Variants in ROS1 observed in about 807,000 individuals in gnomAD.
ROS1 encodes ROS proto-oncogene 1, receptor tyrosine kinase, also known as proto-oncogene tyrosine-protein kinase ROS.
Under a neutral mutation model 273.5 loss-of-function variants are expected in ROS1, and 263 were observed. The observed-to-expected ratio is 0.96, with a 90% CI of 0.87 to 1.06. The LOEUF (loss-of-function observed/expected upper bound fraction) is 1.06, where lower values mean the gene tolerates loss of function less well. Ranked by LOEUF, ROS1 falls within the 50% of genes least tolerant of loss-of-function variation. The pLI, the probability that ROS1 is intolerant of heterozygous loss-of-function variation, is 0.00. For synonymous variants in ROS1, 1,008 were observed against 954.1 expected (o/e 1.06, Z -1.04); for missense variants, 2,833 against 2,751.1 (o/e 1.03, Z -0.67).
intron 11 of ROS1, 32 bp from the exon 12 acceptor site, chr6:117,393,353 A>T (rs1488673089): frequency 7.7e-7 from 1 of 1,303,312 alleles, no homozygotes; most frequent in Admixed American, 1.7e-5. Context: ...CGGTAGGATT[A>T]GCATCTGTCT....
chr6:117,310,288 C>T lies in ROS1; in HGVS notation c.6216-7G>A. 2 of 1,578,528 alleles carry T rather than the reference C, an allele frequency of 1.3e-6. No homozygotes were observed. The highest frequency in any genetic ancestry group is 1.7e-6 in the Non-Finnish European group (2 of 1,159,516). ...ATTTCTAGCTGCCAGATCCCTGTGG[C>T]AGAAGTTATATTTAATAATAATAAT... On this transcript the variant is annotated splice_region_variant and splice_polypyrimidine_tract_variant and intron_variant, in intron 40 of 43. Transcript: ENST00000368507.
In ROS1 at chr6:117,366,166, C is replaced by G. The variant is rs1361557179; in HGVS notation, c.2707G>C (p.Glu903Gln). 6 of 1,614,086 alleles carry G rather than the reference C, an allele frequency of 3.7e-6. No individual in the cohort carries two copies. In the South Asian group the frequency reaches 5.5e-5, roughly 15 times the overall value. The change falls in exon 19 of 44, where the codon GAA (glutamate) becomes CAA (glutamine). Residue 903 changes from glutamate (E) to glutamine (Q), a missense_variant. Coordinates refer to ENST00000368507, the MANE Select transcript of ROS1 (RefSeq NM_001378902.1). ...GAGACACTGGTTTTCTGACCTATTT[C>G]TTGAGTTGTGATAATCCTAAAGCCA... ...INGFRIITTQ[E>Q]IGQKTSVSVL...
intron 31 of ROS1, among the ~76,000 whole-genome samples, chr6:117,337,679 A>C (rs1366086619): frequency 2.0e-5 from 3 of 152,154 alleles, no homozygotes; most frequent in Non-Finnish European, 4.4e-5. Context: ...TAAGAATGCA[A>C]ATCCATAGCT....
chr6:117,341,315 T>C lies in ROS1; in HGVS notation c.4885-4A>G, dbSNP rs780946396. The C allele has an allele frequency of 4.3e-6, 7 of 1,612,432 alleles. No individual in the cohort carries two copies. Among genetic ancestry groups the C allele is most frequent in the East Asian group, 2.2e-5 (1 of 44,876 alleles). ...CCTCAGAGTGGCAGGCAAGAACCTTTTGGTAAAAAAGAACAATTGCTTAAC... is the reference window on the plus strand; with the variant it reads ...CCTCAGAGTGGCAGGCAAGAACCTTCTGGTAAAAAAGAACAATTGCTTAAC... On this transcript the variant is annotated splice_region_variant and splice_polypyrimidine_tract_variant and intron_variant, in intron 30 of 43. Coordinates refer to ENST00000368507, the MANE Select transcript of ROS1 (RefSeq NM_001378902.1).
intron 43 of ROS1, among the ~76,000 whole-genome samples, chr6:117,292,286 A>G (rs1764172553): frequency 6.6e-6 from 1 of 152,146 alleles, no homozygotes; most frequent in Non-Finnish European, 1.5e-5. Flanking sequence ...GACTTTTATA[A>G]TGTATCTTTG....
At chr6:117,294,353 G>T (rs902509884) in intron 43 of ROS1, among the ~76,000 whole-genome samples, 7 of 152,004 alleles carry the variant, frequency 4.6e-5, no homozygotes, top group Admixed American at 4.6e-4. Context: ...CTCATAAAAG[G>T]CATTCACAGA....
intron 16 of ROS1, 82 bp downstream of exon 16, chr6:117,385,597 TAAAA>T: frequency 2.1e-6 from 2 of 954,566 alleles, no homozygotes; most frequent in South Asian, 1.8e-5. Flanking sequence ...CACAGGTATT[TAAAA>T]AAAAAAAAGA....
At chr6:117,402,793 C>G (rs1227808135) in intron 7 of ROS1, among the ~76,000 whole-genome samples, 2 of 149,832 alleles carry the variant, frequency 1.3e-5, no homozygotes, top group Admixed American at 1.4e-4. Context: ...AAGGCTGAGG[C>G]AGGGGAATCA....
At chr6:117,375,160 G>A (rs1422952311) in intron 18 of ROS1, among the ~76,000 whole-genome samples, 1 of 152,204 alleles carries the variant, frequency 6.6e-6, no homozygotes, top group Non-Finnish European at 1.5e-5. Flanking sequence ...GGATGGAATT[G>A]GAGACCGTTA....
chr6:117,420,082 G>A (rs1175734424), intron 1 of ROS1, among the ~76,000 whole-genome samples: 2 of 151,966 alleles, frequency 1.3e-5, no homozygotes, highest in East Asian at 3.9e-4. Flanking sequence ...AACCCTATAA[G>A]GTAGCTGCTA....
At chr6:117,398,970 TAA>T (rs75429700) in intron 7 of ROS1, among the ~76,000 whole-genome samples, 27 of 134,424 alleles carry the variant, frequency 2.0e-4, no homozygotes, top group Middle Eastern at 3.8e-3. Flanking sequence ...GACTCTGTCT[TAA>T]AAAAAAAAAA....
rs920417073 is a variant in ROS1 at position 117,340,991 on chromosome 6, T to C, written c.5061+144A>G. The C allele has an allele frequency of 7.1e-5, 43 of 604,728 alleles. No individual in the cohort carries two copies. The African/African-American group carries it at 7.8e-4, about 11-fold the overall frequency. The allele number at this position is 604,728 out of a possible 1,614,324, so 37.5% of individuals were successfully genotyped here. Reference sequence around the variant, plus strand: ...CCCACCAGAAATTAGTCTGGATAACTCACTGCTTCTGCATGCCAAACATAA... The same window carrying C: ...CCCACCAGAAATTAGTCTGGATAACCCACTGCTTCTGCATGCCAAACATAA... On this transcript the variant is annotated intron_variant, in intron 31 of 43. Coordinates refer to ENST00000368507, the MANE Select transcript of ROS1 (RefSeq NM_001378902.1).
At chr6:117,338,629 C>A (rs1777664155) in intron 31 of ROS1, among the ~76,000 whole-genome samples, 1 of 151,998 alleles carries the variant, frequency 6.6e-6, no homozygotes, top group Admixed American at 6.6e-5. Context: ...GGTAACCCAA[C>A]ATTCCAAACC....
chr6:117,396,871 C>T (rs368039350), intron 8 of ROS1, 44 bp downstream of exon 8: 9 of 1,341,944 alleles, frequency 6.7e-6, no homozygotes, highest in Non-Finnish European at 9.6e-6. Flanking sequence ...ATCATGCCTG[C>T]AGCCATGCTG....
chr6:117,331,829 C>T (rs780146114), intron 32 of ROS1, among the ~76,000 whole-genome samples: 11 of 152,174 alleles, frequency 7.2e-5, no homozygotes, highest in Non-Finnish European at 1.5e-4. Context: ...CCTGCAACAG[C>T]TCCTGAAATA....
At chr6:117,346,758 C>A (rs1582690629) in intron 27 of ROS1, among the ~76,000 whole-genome samples, 1 of 152,168 alleles carries the variant, frequency 6.6e-6, no homozygotes, top group East Asian at 1.9e-4. Context: ...CATTATTACC[C>A]AAAGTCTATA....
rs747075578 is a variant in ROS1, at chr6:117,394,361, C to T, written c.1007-15G>A. On this transcript the variant is annotated splice_polypyrimidine_tract_variant and intron_variant, in intron 10 of 43. Transcript: ENST00000368507. ...AACAGATATTCCTAGAAGAGCCATG[C>T]AAGTGCACACACATTATTATATAAC... is the stretch of plus-strand genomic sequence containing the variant. The T allele has an allele frequency of 3.2e-6, 5 of 1,571,924 alleles. No individual in the cohort carries two copies. In the East Asian group the frequency reaches 1.2e-4, roughly 36 times the overall value.
At chr6:117,385,644 A>G (rs1212700291) in intron 16 of ROS1, 39 bp downstream of exon 16, 26 of 1,585,938 alleles carry the variant, frequency 1.6e-5, no homozygotes, top group Non-Finnish European at 2.0e-5. Context: ...GTGGATAAGT[A>G]TCATTCTAGA....
chr6:117,352,049 C>CT lies in ROS1; in HGVS notation c.4303+940dup, dbSNP rs367722173. On this transcript the variant is annotated intron_variant, in intron 27 of 43. Transcript: ENST00000368507. ...ATTTGCACCTTAGTGGCAAAGACGGCTTTGACAAAATACCAATGAGGCCAT... is the reference window on the plus strand; with the variant it reads ...ATTTGCACCTTAGTGGCAAAGACGGCTTTTGACAAAATACCAATGAGGCCAT... Among the ~76,000 whole-genome samples, 1,092 of 152,222 alleles carry CT rather than the reference C, an allele frequency of 7.2e-3. 8 individuals carry two copies. Among genetic ancestry groups the CT allele is most frequent in the African/African-American group, 0.025 (1,018 of 41,542 alleles).
Sources: gnomAD v4.1 joint callset for allele counts (sites outside exome capture counted in the v4.1 genomes callset) on GRCh38, gnomAD v4.1.1 for gene constraint, MANE v1.5 for transcripts, NCBI Gene and HGNC (gene_info 2026-07-23, HGNC 2026-07-21) for gene names.